The following ZNF292 variants were observed in gnomAD, a reference collection of about 807,000 sequenced individuals.
The protein encoded by ZNF292 is 16 zinc-finger domain protein.
A neutral mutation model predicts 217.9 loss-of-function variants in ZNF292; 26 were observed. The ratio of observed to expected loss-of-function variants is 0.12; its 90% CI spans 0.09 to 0.17. The LOEUF (loss-of-function observed/expected upper bound fraction) is 0.17, where lower values mean the gene tolerates loss of function less well. ZNF292 is among the 10% of genes least tolerant of loss of function. The pLI is 1.00. For synonymous variants in ZNF292, 1,257 were observed against 1,124.1 expected, an observed-to-expected ratio of 1.12 and a Z score of -2.37; for missense variants, 2,904 against 3,175.2, an observed-to-expected ratio of 0.91 and a Z score of 2.05.
chr6:87,232,976 A>G (rs1408553788), intron 4 of ZNF292, among the ~76,000 whole-genome samples: 2 of 152,086 alleles, frequency 1.3e-5, no homozygotes, highest in Non-Finnish European at 2.9e-5. Flanking sequence ...TAGGGATGCT[A>G]ACTGCTGGTG....
intron 1 of ZNF292, among the ~76,000 whole-genome samples, chr6:87,185,985 A>G (rs1386166784): frequency 6.6e-6 from 1 of 152,142 alleles, no homozygotes; most frequent in Non-Finnish European, 1.5e-5. Flanking sequence ...TTGGATTTTT[A>G]TGAAAGTTTC....
At chr6:87,190,594 C>T (rs1338252493) in intron 1 of ZNF292, among the ~76,000 whole-genome samples, 1 of 152,172 alleles carries the variant, frequency 6.6e-6, no homozygotes, top group African/African-American at 2.4e-5. Context: ...CTGCCTCAGC[C>T]TCTTGCGTAG....
At position 87,197,421 on chromosome 6, in the gene ZNF292, GTT is replaced by G. The variant is rs71014999; in HGVS notation, c.169-18466_169-18465del. On this transcript the variant is annotated intron_variant, in intron 1 of 7. Coordinates refer to ENST00000369577, the MANE Select transcript of ZNF292 (RefSeq NM_015021.3). Reference sequence around the variant, plus strand: ...AGAATATCAGATTTTTAACATTTGGGTTTTTTTTTTTTTTTTTAAAGCATTAA... The same window carrying G: ...AGAATATCAGATTTTTAACATTTGGGTTTTTTTTTTTTTTTAAAGCATTAA... 3.8e-3 allele frequency among the ~76,000 whole-genome samples: 531 copies of G among 141,540 alleles called. 3 individuals are homozygous for G. The highest frequency in any genetic ancestry group is 9.0e-3 in the African/African-American group (346 of 38,384). 92.9% of individuals were successfully genotyped at this position (141,540 alleles called of 152,430 possible). A position where few individuals can be genotyped will look rare whatever the true frequency, so the allele number is the denominator to read the frequency against.
At chr6:87,242,343 T>TA (rs772839918) in intron 5 of ZNF292, among the ~76,000 whole-genome samples, 6 of 152,266 alleles carry the variant, frequency 3.9e-5, no homozygotes, top group Non-Finnish European at 5.9e-5. Context: ...TTTCTTGTCT[T>TA]AGTGTTTTCT....
intron 5 of ZNF292, among the ~76,000 whole-genome samples, chr6:87,234,199 G>A (rs950108748): frequency 2.0e-5 from 3 of 152,088 alleles, no homozygotes; most frequent in Admixed American, 6.6e-5. Context: ...TTGGAAACAG[G>A]GTAGGAGAAT....
chr6:87,241,850 C>T (rs1229978535), intron 5 of ZNF292, among the ~76,000 whole-genome samples: 4 of 152,086 alleles, frequency 2.6e-5, no homozygotes, highest in Non-Finnish European at 5.9e-5. Context: ...TACAACGGTG[C>T]GAAAGTGGTA....
In ZNF292 at chr6:87,257,725, T is replaced by C. The variant is rs759540285; in HGVS notation, c.4096T>C (p.Trp1366Arg). ...ACCTAAGCACAACAAAAGGGCTAAA[T>C]GGCCTGCAATTATCAGAGATGGGAA... ...RKPKHNKRAK[W>R]PAIIRDGKFI... Residue 1366 changes from tryptophan to arginine, a missense_variant, in exon 8 of 8, where the codon TGG (tryptophan) becomes CGG (arginine). This residue lies in a region of ZNF292 where 23 missense variants were observed against 51.3 expected (regional missense o/e 0.45). Transcript: ENST00000369577. 3 of 1,613,562 alleles carry C rather than the reference T, an allele frequency of 1.9e-6. No individual in the cohort carries two copies. The highest frequency in any genetic ancestry group is 2.5e-6 in the Non-Finnish European group (3 of 1,179,684).
Position 87,261,399 on chromosome 6 carries a change from A to C in ZNF292, c.7770A>C (p.Gly2590=). 1 of 1,612,240 alleles carries C rather than the reference A, an allele frequency of 6.2e-7. No homozygotes were observed. Residue 2590 remains glycine, a synonymous_variant, in exon 8 of 8, where the codon GGA becomes GGC. Transcript: ENST00000369577. ...ACTGGAGCTCTTTTAAGCCAATGGG[A>C]TTTGAAGTATCATTTCTGAAGTTTC... ...SFDWSSFKPM[G]FEVSFLKFLE... is the part of the protein sequence containing the mutation.
At position 87,258,390 on chromosome 6, in the gene ZNF292, T is replaced by C; in HGVS notation, c.4761T>C (p.Ser1587=). 1.2e-6 allele frequency: 2 copies of C among 1,613,704 alleles called. No individual in the cohort carries two copies. The highest frequency in any genetic ancestry group is 1.7e-6 in the Non-Finnish European group (2 of 1,179,780). ...LKTVENGLCS[S]SFPNSGGPSQ... ...CTGTTGAAAATGGTTTGTGCTCTAG[T>C]TCATTTCCTAATTCTGGTGGGCCAT... The change falls in exon 8 of 8, where the codon AGT becomes AGC. Residue 1587 remains serine, a synonymous_variant. Transcript: ENST00000369577.
At chr6:87,165,337 C>G (rs918027367) in intron 1 of ZNF292, among the ~76,000 whole-genome samples, 4 of 152,092 alleles carry the variant, frequency 2.6e-5, no homozygotes, top group Non-Finnish European at 5.9e-5. Context: ...GTTAGAGTTA[C>G]AAGTTATTAA....
intron 7 of ZNF292, chr6:87,249,454 AGTATGCACCATG>A: frequency 4.1e-6 from 1 of 246,732 alleles, no homozygotes; most frequent in Non-Finnish European, 8.6e-6. Flanking sequence ...TGACAGGGAT[AGTATGCACCATG>A]GTAATTGCTC....
At chr6:87,215,143 G>T (rs961949223) in intron 1 of ZNF292, 1 of 151,936 alleles carries the variant, frequency 6.6e-6, no homozygotes, top group Non-Finnish European at 1.5e-5. Context: ...AACCTTTTAG[G>T]TAAGAGTCTT....
intron 5 of ZNF292, among the ~76,000 whole-genome samples, 178 bp from the exon 6 acceptor site, chr6:87,243,297 T>TTC (rs1554204048): frequency 4.0e-5 from 6 of 151,528 alleles, no homozygotes; most frequent in African/African-American, 1.5e-4. Context: ...TTTTTTTTTT[T>TTC]AACTGCAGCC....
At chr6:87,184,337 C>T (rs184861181) in intron 1 of ZNF292, among the ~76,000 whole-genome samples, 1 of 152,154 alleles carries the variant, frequency 6.6e-6, no homozygotes, top group East Asian at 1.9e-4. Flanking sequence ...TATATGTTGT[C>T]TTTTTGGAAG....
At chr6:87,184,832 C>T (rs1435624455) in intron 1 of ZNF292, among the ~76,000 whole-genome samples, 1 of 152,158 alleles carries the variant, frequency 6.6e-6, no homozygotes, top group Non-Finnish European at 1.5e-5. Context: ...AGTGTAAGTC[C>T]TGGAGAACAA....
intron 7 of ZNF292, among the ~76,000 whole-genome samples, chr6:87,249,953 G>A (rs1368285494): frequency 6.9e-6 from 1 of 145,484 alleles, no homozygotes. Flanking sequence ...CAGATGATCT[G>A]CCCACCTCAG....
chr6:87,181,062 C>T (rs1771456974), intron 1 of ZNF292, among the ~76,000 whole-genome samples: 1 of 152,106 alleles, frequency 6.6e-6, no homozygotes. Flanking sequence ...GTGCCTGCAA[C>T]CCCACTGTTA....
rs1437990356 is a variant in ZNF292 at position 87,263,847 on chromosome 6, A to C, written c.*2046A>C. ...TTGGCAAAACTGCCCTATATAGCAC[A>C]GTAGCAAGTAGGTTTATTTCTGATC... On this transcript the variant is annotated 3_prime_UTR_variant, in exon 8 of 8. Transcript: ENST00000369577. 1 of 152,150 alleles carries C rather than the reference A, an allele frequency of 6.6e-6. No homozygotes were observed. The highest frequency in any genetic ancestry group is 6.6e-5 in the Admixed American group (1 of 15,266). 9.4% of individuals were successfully genotyped at this position (152,150 alleles called of 1,614,324 possible).
chr6:87,158,461 C>G (rs1770617192), intron 1 of ZNF292, among the ~76,000 whole-genome samples: 1 of 152,056 alleles, frequency 6.6e-6, no homozygotes, highest in Non-Finnish European at 1.5e-5. Flanking sequence ...ATCGCTTGAG[C>G]CTGAGCAGCA....
Sources: gnomAD v4.1 joint callset for allele counts (sites outside exome capture counted in the v4.1 genomes callset) on GRCh38, gnomAD v4.1.1 for gene constraint, gnomAD v4.1.1 regional missense constraint, MANE v1.5 for transcripts, NCBI Gene and HGNC (gene_info 2026-07-23, HGNC 2026-07-21) for gene names.